NRXN1: variants seen among roughly 807,000 people sequenced by gnomAD.
NRXN1 encodes the protein neurexin 1.
Under a neutral mutation model 150.9 loss-of-function variants are expected in NRXN1, and 39 were observed. The ratio of observed to expected loss-of-function variants is 0.26; its 90% CI spans 0.20 to 0.34. The LOEUF (loss-of-function observed/expected upper bound fraction) is 0.34, where lower values mean the gene tolerates loss of function less well. Among genes scored for constraint, NRXN1 ranks in the 10% least tolerant of loss-of-function variants. The pLI is 1.00. For missense variants in NRXN1, 1,815 were observed against 1,949.9 expected (o/e 0.93, Z 1.30); for synonymous variants, 924 against 757.0 (o/e 1.22, Z -3.62).
intron 6 of NRXN1, among the ~76,000 whole-genome samples, chr2:50,622,053 A>C (rs553849399): frequency 6.6e-6 from 1 of 152,190 alleles, no homozygotes; most frequent in South Asian, 2.1e-4. Flanking sequence ...TGAGAGAAAA[A>C]ATTAAAAAAG....
chr2:50,361,563 G>A (rs1558598973), intron 17 of NRXN1, among the ~76,000 whole-genome samples: 1 of 152,052 alleles, frequency 6.6e-6, no homozygotes. Context: ...ACTAAATCAG[G>A]AAGAAGTCGA....
At chr2:49,959,360 C>G (rs1675514997) in intron 21 of NRXN1, among the ~76,000 whole-genome samples, 1 of 152,272 alleles carries the variant, frequency 6.6e-6, no homozygotes, top group Admixed American at 6.5e-5. Flanking sequence ...TACGTAGAAC[C>G]TGATGCAGCC....
At chr2:50,381,176 T>A (rs1340383740) in intron 17 of NRXN1, among the ~76,000 whole-genome samples, 2 of 152,004 alleles carry the variant, frequency 1.3e-5, no homozygotes. Flanking sequence ...AAGAGAGACA[T>A]TATGGACATT....
intron 15 of NRXN1, among the ~76,000 whole-genome samples, chr2:50,474,851 A>T (rs2089861007): frequency 6.7e-6 from 1 of 149,940 alleles, no homozygotes; most frequent in Admixed American, 6.7e-5. Context: ...AAAAAAAAAA[A>T]ATGAGTACAG....
rs553159538 is a variant in NRXN1 at position 50,394,611 on chromosome 2, C to T, written c.3364+70831G>A. 7.2e-5 allele frequency among the ~76,000 whole-genome samples: 11 copies of T among 152,142 alleles called. No homozygotes were observed. The South Asian group carries it at 2.1e-3, about 29-fold the overall frequency. The stretch of plus-strand genomic sequence containing the variant: ...AAGCCACCACTGTCTCTTTTGTGGA[C>T]GCCTGCTACAGCATCCTAATACGGT... On this transcript the variant is annotated intron_variant, in intron 17 of 22. Transcript: ENST00000401669.
chr2:50,916,080 A>G (rs191588129), intron 5 of NRXN1, among the ~76,000 whole-genome samples: 13 of 147,396 alleles, frequency 8.8e-5, no homozygotes, highest in Non-Finnish European at 1.7e-4. Flanking sequence ...TTTCCTTTAT[A>G]CTACCACTAA....
At position 50,506,775 on chromosome 2, in the gene NRXN1, C is replaced by G. The variant is rs10175444; in HGVS notation, c.2375-158G>C. ...AGAGAGAGGAGGGAGAGAAAGGAAACAGAGAAGAGGCGGGCTGGACCAATT... is the reference window on the plus strand; with the variant it reads ...AGAGAGAGGAGGGAGAGAAAGGAAAGAGAGAAGAGGCGGGCTGGACCAATT... On this transcript the variant is annotated intron_variant, in intron 12 of 22. Coordinates refer to ENST00000401669, the MANE Select transcript of NRXN1 (RefSeq NM_001330078.2). 0.014 allele frequency: 10,385 copies of G among 753,478 alleles called. 771 individuals carry two copies. The African/African-American group carries it at 0.16, about 12-fold the overall frequency. 46.7% of individuals were successfully genotyped at this position (753,478 alleles called of 1,614,324 possible). A position where few individuals can be genotyped will look rare whatever the true frequency, so the allele number is the denominator to read the frequency against.
At chr2:50,414,332 C>T (rs928309645) in intron 17 of NRXN1, among the ~76,000 whole-genome samples, 2 of 151,258 alleles carry the variant, frequency 1.3e-5, no homozygotes, top group African/African-American at 4.9e-5. Flanking sequence ...CCATAAATAC[C>T]CCATAAATAT....
intron 18 of NRXN1, among the ~76,000 whole-genome samples, chr2:50,111,984 T>C (rs972414927): frequency 2.0e-5 from 3 of 151,912 alleles, no homozygotes; most frequent in Non-Finnish European, 4.4e-5. Flanking sequence ...ATATGTTTCT[T>C]AATTAGGGCA....
At chr2:50,707,380 G>GA (rs1383411061) in intron 5 of NRXN1, among the ~76,000 whole-genome samples, 1 of 152,132 alleles carries the variant, frequency 6.6e-6, no homozygotes, top group Non-Finnish European at 1.5e-5. Context: ...TAATTCTGAA[G>GA]AAAAGTGCAG....
chr2:50,728,634 G>C (rs1353639819), intron 5 of NRXN1, among the ~76,000 whole-genome samples: 1 of 152,070 alleles, frequency 6.6e-6, no homozygotes, highest in African/African-American at 2.4e-5. Context: ...AGAAAGGCTG[G>C]CTATCACCTA....
rs1297063034 is a variant in NRXN1 at position 51,027,493 on chromosome 2, G to A, written c.772+9C>T. 6.0e-6 allele frequency: 9 copies of A among 1,506,538 alleles called. No individual in the cohort carries two copies. The highest frequency in any genetic ancestry group is 4.3e-5 in the Admixed American group (2 of 46,144). The allele number at this position is 1,506,538 out of a possible 1,614,324, so 93.3% of individuals were successfully genotyped here. ...CCCCGGCCCCCGTGGGTCGGGCGTCGGGCCTTACCTTGGCTGCAGTCCTTG... is the reference window on the plus strand; with the variant it reads ...CCCCGGCCCCCGTGGGTCGGGCGTCAGGCCTTACCTTGGCTGCAGTCCTTG... On this transcript the variant is annotated intron_variant, in intron 2 of 22. Transcript: ENST00000401669.
chr2:50,207,994 G>A (rs1455558056), intron 18 of NRXN1, among the ~76,000 whole-genome samples: 1 of 152,088 alleles, frequency 6.6e-6, no homozygotes. Flanking sequence ...GGGTGAAGAA[G>A]AGGAGAAAAA....
At chr2:50,380,947 T>C (rs1041877643) in intron 17 of NRXN1, among the ~76,000 whole-genome samples, 1 of 152,182 alleles carries the variant, frequency 6.6e-6, no homozygotes, top group African/African-American at 2.4e-5. Flanking sequence ...CATTCTCTCA[T>C]GTGGGCCACT....
At chr2:50,992,883 T>A (rs544452111) in intron 2 of NRXN1, among the ~76,000 whole-genome samples, 9 of 152,086 alleles carry the variant, frequency 5.9e-5, no homozygotes, top group African/African-American at 2.2e-4. Flanking sequence ...TCAATGCAAC[T>A]ACATATCTTT....
intron 15 of NRXN1, among the ~76,000 whole-genome samples, chr2:50,475,923 C>T (rs1299738553): frequency 2.0e-5 from 3 of 151,136 alleles, no homozygotes; most frequent in Non-Finnish European, 4.4e-5. Flanking sequence ...CAGGTGAGTC[C>T]CTGTGCATGT....
intron 19 of NRXN1, among the ~76,000 whole-genome samples, chr2:50,070,879 A>T (rs1015867124): frequency 6.6e-6 from 1 of 152,216 alleles, no homozygotes; most frequent in Non-Finnish European, 1.5e-5. Flanking sequence ...ACAGAGGAGA[A>T]ATAGTTCATT....
chr2:50,775,475 T>C (rs769485720), intron 5 of NRXN1, among the ~76,000 whole-genome samples: 12 of 152,172 alleles, frequency 7.9e-5, no homozygotes, highest in Non-Finnish European at 1.0e-4. Flanking sequence ...AAAATAACTA[T>C]TATTGTTAGC....
intron 5 of NRXN1, among the ~76,000 whole-genome samples, chr2:50,717,902 A>G (rs1411933347): frequency 1.3e-5 from 2 of 152,176 alleles, no homozygotes; most frequent in African/African-American, 4.8e-5. Flanking sequence ...TTTCACTCTC[A>G]TGATCGAATC....
Sources: allele counts gnomAD v4.1 joint callset (sites outside exome capture counted in the v4.1 genomes callset), GRCh38; gene constraint gnomAD v4.1.1; transcripts MANE v1.5; gene names NCBI Gene and HGNC (gene_info 2026-07-23, HGNC 2026-07-21).